CERK: variants seen among roughly 807,000 people sequenced by gnomAD.
The protein encoded by CERK is ceramide kinase.
Under a neutral mutation model 63.4 loss-of-function variants are expected in CERK, and 39 were observed. That is an observed-to-expected ratio of 0.61 (90% confidence interval 0.48 to 0.80). The LOEUF (loss-of-function observed/expected upper bound fraction) is 0.80, where lower values mean the gene tolerates loss of function less well. Among genes scored for constraint, CERK ranks in the 30% least tolerant of loss-of-function variants. The probability of loss-of-function intolerance (pLI) is 0.00; values close to 1 mark genes in which losing one functional copy is unlikely to be tolerated. For missense variants in CERK, 670 were observed against 714.1 expected, an observed-to-expected ratio of 0.94 and a Z score of 0.70; for synonymous variants, 302 against 280.0, an observed-to-expected ratio of 1.08 and a Z score of -0.78.
At chr22:46,701,581 T>TG (rs57459614) in intron 7 of CERK, 55 bp downstream of exon 7, 21 of 1,460,588 alleles carry the variant, frequency 1.4e-5, no homozygotes, top group Non-Finnish European at 2.0e-5. Flanking sequence ...GGGACAGGCC[T>TG]GGGGGCGCAG....
chr22:46,711,560 C>G (rs1042484239), intron 4 of CERK, among the ~76,000 whole-genome samples: 1 of 152,154 alleles, frequency 6.6e-6, no homozygotes, highest in Non-Finnish European at 1.5e-5. Context: ...CCCCCCACCC[C>G]ACAACAGGCC....
In CERK at chr22:46,717,599, C is replaced by A. The variant is rs185794578; in HGVS notation, c.379+2487G>T. On this transcript the variant is annotated intron_variant, in intron 3 of 12. Coordinates refer to ENST00000216264, the MANE Select transcript of CERK (RefSeq NM_022766.6). ...GGTTTCATACTGTATGATCTGATTTCTATCAAGTACAACAGTGAACCTAGT... is the reference window on the plus strand; with the variant it reads ...GGTTTCATACTGTATGATCTGATTTATATCAAGTACAACAGTGAACCTAGT... Among the ~76,000 whole-genome samples the A allele has an allele frequency of 2.5e-3, 383 of 152,388 alleles. 1 individual carries two copies. The highest frequency in any genetic ancestry group is 5.5e-3 in the Admixed American group (84 of 15,312).
In CERK at chr22:46,712,171, T is replaced by A. The variant is rs1418727171; in HGVS notation, c.502A>T (p.Ile168Phe). Residue 168 changes from isoleucine to phenylalanine, a missense_variant, in exon 4 of 13, where the codon ATC becomes TTC. Transcript: ENST00000216264. ...TAGTTAACATAGAATTTGTTACCGA[T>A]GATGTCAGTGGTGATGGAGGCTAAG... is the stretch of plus-strand genomic sequence containing the variant. ...FTLASITTDI[I>F]VTEHANQAKE... 1 of 1,614,074 alleles carries A rather than the reference T, an allele frequency of 6.2e-7. No homozygotes were observed. Among genetic ancestry groups the A allele is most frequent in the Non-Finnish European group, 8.5e-7 (1 of 1,179,976 alleles).
intron 7 of CERK, among the ~76,000 whole-genome samples, chr22:46,700,661 C>A (rs2082778923): frequency 6.6e-6 from 1 of 152,212 alleles, no homozygotes; most frequent in Non-Finnish European, 1.5e-5. Context: ...TACAGTGAGT[C>A]AAGATCATGC....
intron 7 of CERK, among the ~76,000 whole-genome samples, chr22:46,701,144 C>T (rs374605443): frequency 6.6e-6 from 1 of 152,258 alleles, no homozygotes; most frequent in Admixed American, 6.5e-5. Flanking sequence ...CAGAGCCCAC[C>T]GTGCTGAGTG....
chr22:46,691,301 G>C (rs2089898129), intron 11 of CERK, among the ~76,000 whole-genome samples: 1 of 152,144 alleles, frequency 6.6e-6, no homozygotes, highest in South Asian at 2.1e-4. Flanking sequence ...TCAAACTCCT[G>C]ACCTCGGGTG....
intron 8 of CERK, among the ~76,000 whole-genome samples, chr22:46,697,876 G>A (rs1332478395): frequency 6.6e-6 from 1 of 152,238 alleles, no homozygotes; most frequent in Non-Finnish European, 1.5e-5. Flanking sequence ...ACTGCCTGAT[G>A]TGTGCAGACT....
chr22:46,720,008 C>T (rs2082884142), intron 3 of CERK, 78 bp downstream of exon 3: 2 of 1,549,868 alleles, frequency 1.3e-6, no homozygotes, highest in Non-Finnish European at 1.8e-6. Flanking sequence ...AACGGGGAGA[C>T]ACTTCAGGAA....
chr22:46,706,592 A>G (rs1325535134), intron 6 of CERK, among the ~76,000 whole-genome samples: 1 of 151,858 alleles, frequency 6.6e-6, no homozygotes, highest in Non-Finnish European at 1.5e-5. Context: ...TTCTTCTAAA[A>G]CTCATCAGGC....
At chr22:46,700,656 TGA>T (rs908942566) in intron 7 of CERK, among the ~76,000 whole-genome samples, 2 of 152,158 alleles carry the variant, frequency 1.3e-5, no homozygotes, top group Non-Finnish European at 2.9e-5. Flanking sequence ...GAGGCTACAG[TGA>T]GTCAAGATCA....
At chr22:46,702,177 CAA>C (rs135690) in intron 6 of CERK, among the ~76,000 whole-genome samples, 3 of 84,136 alleles carry the variant, frequency 3.6e-5, no homozygotes, top group Admixed American at 1.5e-4. Context: ...GACTTCGTCT[CAA>C]AAAAAAAAAA....
chr22:46,689,891 T>C lies in CERK; in HGVS notation c.1541+101A>G, dbSNP rs577642049. On this transcript the variant is annotated intron_variant, in intron 12 of 12. Coordinates refer to ENST00000216264, the MANE Select transcript of CERK (RefSeq NM_022766.6). Reference sequence around the variant, plus strand: ...AAAACATTCTTACGTTTTGTGTTTATAAAGCCCCAGGGAACCCCCCACCCT... The same window carrying C: ...AAAACATTCTTACGTTTTGTGTTTACAAAGCCCCAGGGAACCCCCCACCCT... 21 of 763,114 alleles carry C rather than the reference T, an allele frequency of 2.8e-5. No individual in the cohort carries two copies. The African/African-American group carries it at 3.5e-4, about 13-fold the overall frequency. The allele number at this position is 763,114 out of a possible 1,614,324, so 47.3% of individuals were successfully genotyped here.
At chr22:46,695,417 C>T in intron 8 of CERK, 102 bp from the exon 9 acceptor site, 1 of 774,534 alleles carries the variant, frequency 1.3e-6, no homozygotes. Context: ...CGCGCATCTG[C>T]CTAAACCGTC....
chr22:46,690,124 C>T lies in CERK; in HGVS notation c.1409G>A (p.Ser470Asn), dbSNP rs2082723032. ...CTTCTTCCCCCCCTCCTTGAGGTCG[C>T]TGTCCTCATCCTCCATGTGCTTCGA... The part of the protein sequence containing the change: ...FTSKHMEDED[S>N]DLKEGGKKRF... The change falls in exon 12 of 13, where the codon AGC (serine) becomes AAC (asparagine). Residue 470 changes from serine (S) to asparagine (N), a missense_variant. Physicochemically the swap from Ser to Asn is conservative, Grantham distance 46. Coordinates refer to ENST00000216264, the MANE Select transcript of CERK (RefSeq NM_022766.6). 5 of 1,614,106 alleles carry T rather than the reference C, an allele frequency of 3.1e-6. No homozygotes were observed. Among genetic ancestry groups the T allele is most frequent in the African/African-American group, 1.3e-5 (1 of 75,032 alleles).
intron 1 of CERK, among the ~76,000 whole-genome samples, chr22:46,733,388 G>T (rs2082956065): frequency 6.6e-6 from 1 of 151,208 alleles, no homozygotes; most frequent in South Asian, 2.1e-4. Flanking sequence ...CCGCCTCCCA[G>T]GTTCAAGAGA....
At position 46,686,913 on chromosome 22, in the gene CERK, G is replaced by A; in HGVS notation, c.*221C>T. The A allele has an allele frequency of 1.9e-6, 1 of 522,460 alleles. No individual in the cohort carries two copies. The highest frequency in any genetic ancestry group is 3.4e-6 in the Non-Finnish European group (1 of 289,904). 32.4% of individuals were successfully genotyped at this position (522,460 alleles called of 1,614,324 possible). ...CCCCAAGTGAGCAGCTGCATCCGCTGAGAGTAAGCGGCGTGGGCTGCAACC... is the reference window on the plus strand; with the variant it reads ...CCCCAAGTGAGCAGCTGCATCCGCTAAGAGTAAGCGGCGTGGGCTGCAACC... On this transcript the variant is annotated 3_prime_UTR_variant, in exon 13 of 13. Coordinates refer to ENST00000216264, the MANE Select transcript of CERK (RefSeq NM_022766.6).
At chr22:46,730,661 A>C (rs770651304) in intron 1 of CERK, among the ~76,000 whole-genome samples, 1 of 151,114 alleles carries the variant, frequency 6.6e-6, no homozygotes, top group Non-Finnish European at 1.5e-5. Flanking sequence ...AGGATGGATT[A>C]GCTGTGCTTT....
chr22:46,711,697 G>A lies in CERK; in HGVS notation c.505+471C>T, dbSNP rs867541108. On this transcript the variant is annotated intron_variant, in intron 4 of 12. Transcript: ENST00000216264. ...GTTTTTCTTGATTGCCTTCTATGCT[G>A]AGAATTGGCTGGAAAATACTAAGTT... is the stretch of plus-strand genomic sequence containing the variant. Among the ~76,000 whole-genome samples the A allele has an allele frequency of 2.6e-5, 4 of 152,298 alleles. No homozygotes were observed. In the South Asian group the frequency reaches 8.3e-4, roughly 32 times the overall value.
chr22:46,708,146 G>A (rs371426653), intron 5 of CERK, among the ~76,000 whole-genome samples, 158 bp from the exon 6 acceptor site: 17 of 152,344 alleles, frequency 1.1e-4, no homozygotes, highest in South Asian at 4.1e-4. Flanking sequence ...TGATAAGGTC[G>A]TGCCTCTGTG....
Sources: allele counts gnomAD v4.1 joint callset (sites outside exome capture counted in the v4.1 genomes callset), GRCh38; gene constraint gnomAD v4.1.1; transcripts MANE v1.5; gene names NCBI Gene and HGNC (gene_info 2026-07-23, HGNC 2026-07-21).